Variants in MYO7A observed in about 807,000 individuals in gnomAD.
MYO7A encodes myosin VIIA, also known as unconventional myosin-VIIa.
MYO7A carries 210 observed loss-of-function variants against 263.8 expected under a neutral mutation model. The observed-to-expected ratio is 0.80, with a 90% CI of 0.71 to 0.89. The LOEUF (loss-of-function observed/expected upper bound fraction) is 0.89. Ranked by LOEUF, MYO7A falls within the 40% of genes least tolerant of loss-of-function variation. MYO7A has a pLI of 0.00. For missense variants in MYO7A, 2,820 were observed against 2,968.3 expected (o/e 0.95, Z 1.16); for synonymous variants, 1,239 against 1,197.3 (o/e 1.03, Z -0.72).
intron 18 of MYO7A, 88 bp from the exon 19 acceptor site, chr11:77,177,461 A>G (rs984438731): frequency 1.9e-6 from 2 of 1,060,996 alleles, no homozygotes; most frequent in Non-Finnish European, 2.8e-6. Flanking sequence ...CTGTGCTCCC[A>G]GTGAAGGAAG....
rs751966030 is a variant in MYO7A, at chr11:77,212,940, C to CT, written c.6355-5dup. The CT allele has an allele frequency of 7.0e-6, 11 of 1,579,774 alleles. No homozygotes were observed. The highest frequency in any genetic ancestry group is 6.9e-5 in the East Asian group (3 of 43,608). On this transcript the variant is annotated splice_polypyrimidine_tract_variant and intron_variant, in intron 46 of 48. Transcript: ENST00000409709. ...GGGCCCCCATCTGATGCCTTCTCAT[C>CT]TTTTTTTCTAGCAAACTACGGAGCC...
At chr11:77,187,512 T>G (rs1955733998) in intron 27 of MYO7A, among the ~76,000 whole-genome samples, 1 of 152,168 alleles carries the variant, frequency 6.6e-6, no homozygotes, top group Non-Finnish European at 1.5e-5. Flanking sequence ...TTAACCCCGC[T>G]GCCGCCAGCT....
At chr11:77,148,918 A>G (rs1340949843) in intron 4 of MYO7A, among the ~76,000 whole-genome samples, 2 of 152,214 alleles carry the variant, frequency 1.3e-5, no homozygotes, top group African/African-American at 4.8e-5. Context: ...CTTCACGTCC[A>G]GTCTGATGTG....
At position 77,166,230 on chromosome 11, in the gene MYO7A, C is replaced by A. The variant is rs111877134; in HGVS notation, c.1797+68C>A. 3.7e-4 allele frequency: 509 copies of A among 1,368,822 alleles called. 2 individuals carry two copies. The highest frequency in any genetic ancestry group is 1.6e-3 in the East Asian group (70 of 42,820). 84.8% of individuals were successfully genotyped at this position (1,368,822 alleles called of 1,614,324 possible). On this transcript the variant is annotated intron_variant, in intron 15 of 48. Coordinates refer to ENST00000409709, the MANE Select transcript of MYO7A (RefSeq NM_000260.4). The stretch of plus-strand genomic sequence containing the variant: ...GGGCCAGGCCTGAGTCTAAGCCCTG[C>A]CCTTGTCCAACAGCTTCAGCTGAGC...
intron 2 of MYO7A, among the ~76,000 whole-genome samples, chr11:77,132,499 G>A (rs1950796148): frequency 6.6e-6 from 1 of 152,092 alleles, no homozygotes; most frequent in African/African-American, 2.4e-5. Context: ...TTGTGTGTGT[G>A]TTTGTTTTGA....
At chr11:77,172,716 G>GC in intron 15 of MYO7A, 32 bp from the exon 16 acceptor site, 8 of 1,547,130 alleles carry the variant, frequency 5.2e-6, no homozygotes, top group South Asian at 1.2e-5. Context: ...GGCAGGCACA[G>GC]CCCCTCCCAT....
chr11:77,200,388 G>A (rs1956986459), intron 35 of MYO7A, among the ~76,000 whole-genome samples: 1 of 152,224 alleles, frequency 6.6e-6, no homozygotes, highest in African/African-American at 2.4e-5. Flanking sequence ...GCATCAGAAG[G>A]AAGGAAGAGA....
rs797044493 is a variant in MYO7A, at chr11:77,179,855, C to T, written c.2488C>T (p.Arg830Cys). 28 of 1,542,010 alleles carry T rather than the reference C, an allele frequency of 1.8e-5. No individual in the cohort carries two copies. The highest frequency in any genetic ancestry group is 2.4e-5 in the East Asian group (1 of 40,914). ...GGCCCGCTGCCGCGCCTATCTGGTG[C>T]GCAAGGCCTTCCGCCACCGCCTCTG... ...FQARCRAYLV[R>C]KAFRHRLWAV... Residue 830 changes from arginine (R) to cysteine (C), a missense_variant, in exon 21 of 49, where the codon CGC becomes TGC. By Grantham distance (180) the Arg-to-Cys change is radical. Coordinates refer to ENST00000409709, the MANE Select transcript of MYO7A (RefSeq NM_000260.4).
intron 4 of MYO7A, among the ~76,000 whole-genome samples, chr11:77,153,380 C>A (rs1952151622): frequency 1.3e-5 from 2 of 152,062 alleles, no homozygotes; most frequent in Non-Finnish European, 2.9e-5. Flanking sequence ...TCTGGATGTG[C>A]TGGTGGCATT....
chr11:77,211,030 G>A lies in MYO7A; in HGVS notation c.6052-122G>A. 3.5e-6 allele frequency: 3 copies of A among 864,810 alleles called. No homozygotes were observed. The South Asian group carries it at 5.3e-5, about 15-fold the overall frequency. 53.6% of individuals were successfully genotyped at this position (864,810 alleles called of 1,614,324 possible). A position where few individuals can be genotyped will look rare whatever the true frequency, so the allele number is the denominator to read the frequency against. On this transcript the variant is annotated intron_variant, in intron 44 of 48. Coordinates refer to ENST00000409709, the MANE Select transcript of MYO7A (RefSeq NM_000260.4). ...AGCAGTGTCAGCTGAGGCTGGAGAGGTGGGTGGGCCCATGTGCGGGGTAAG... is the reference window on the plus strand; with the variant it reads ...AGCAGTGTCAGCTGAGGCTGGAGAGATGGGTGGGCCCATGTGCGGGGTAAG...
At chr11:77,163,541 A>C (rs1555070611) in intron 14 of MYO7A, among the ~76,000 whole-genome samples, 1 of 152,206 alleles carries the variant, frequency 6.6e-6, no homozygotes, top group Non-Finnish European at 1.5e-5. Flanking sequence ...TACTGTAGGC[A>C]GTTGTGACAG....
rs778404263 is a variant in MYO7A at position 77,194,328 on chromosome 11, C to A, written c.4153-26C>A. On this transcript the variant is annotated intron_variant, in intron 31 of 48. Transcript: ENST00000409709. ...CTTCCTGGAGGGGCCTGGGCCAATG[C>A]ATGACCGAGGCCTCCCCCCACCTAG... The A allele has an allele frequency of 7.5e-6, 12 of 1,603,204 alleles. No individual in the cohort carries two copies. In the Admixed American group the frequency reaches 2.0e-4, roughly 27 times the overall value.
intron 19 of MYO7A, among the ~76,000 whole-genome samples, chr11:77,178,786 A>T (rs1392789254): frequency 6.6e-6 from 1 of 152,176 alleles, no homozygotes; most frequent in Admixed American, 6.5e-5. Context: ...TTTTTCATAC[A>T]TTTATTCATT....
chr11:77,182,708 C>T lies in MYO7A; in HGVS notation c.3285+108C>T, dbSNP rs45449591. The T allele has an allele frequency of 0.015, 18,118 of 1,218,554 alleles. 166 individuals are homozygous for T. Among genetic ancestry groups the T allele is most frequent in the Non-Finnish European group, 0.018 (15,378 of 871,878 alleles). 75.5% of individuals were successfully genotyped at this position (1,218,554 alleles called of 1,614,324 possible). ...GCAGAAAAAGGATCCTATAATTCAT[C>T]TCTGCCTCACCGACCCCTGCCTGCC... is the stretch of plus-strand genomic sequence containing the variant. On this transcript the variant is annotated intron_variant, in intron 25 of 48. Coordinates refer to ENST00000409709, the MANE Select transcript of MYO7A (RefSeq NM_000260.4).
At chr11:77,153,657 C>T (rs782225239) in intron 4 of MYO7A, among the ~76,000 whole-genome samples, 3 of 152,210 alleles carry the variant, frequency 2.0e-5, no homozygotes, top group Non-Finnish European at 2.9e-5. Context: ...AGGTCTGAAA[C>T]GGCCTCTGCC....
At chr11:77,130,495 T>G (rs1327677091) in intron 1 of MYO7A, 94 bp from the exon 2 acceptor site, 7 of 910,558 alleles carry the variant, frequency 7.7e-6, no homozygotes, top group Admixed American at 2.1e-5. Context: ...GAGGAGGAGC[T>G]GGGGCTTTGG....
intron 37 of MYO7A, 66 bp downstream of exon 37, chr11:77,202,490 G>A (rs1374301342): frequency 7.2e-6 from 11 of 1,517,714 alleles, no homozygotes; most frequent in African/African-American, 1.4e-5. Context: ...CTACTGTCTG[G>A]TCGTGTGCTG....
intron 31 of MYO7A, among the ~76,000 whole-genome samples, chr11:77,192,555 G>C (rs1956171456): frequency 6.6e-6 from 1 of 152,192 alleles, no homozygotes; most frequent in East Asian, 1.9e-4. Context: ...TGCTACAGAG[G>C]ACGTGCCGCA....
At chr11:77,208,231 C>G (rs932478123) in intron 42 of MYO7A, among the ~76,000 whole-genome samples, 199 bp from the exon 43 acceptor site, 2 of 152,180 alleles carry the variant, frequency 1.3e-5, no homozygotes, top group African/African-American at 4.8e-5. Context: ...GAATGACCAT[C>G]GCTCCCGGCA....
Sources: gnomAD v4.1 joint callset for allele counts (sites outside exome capture counted in the v4.1 genomes callset) on GRCh38, gnomAD v4.1.1 for gene constraint, MANE v1.5 for transcripts, NCBI Gene and HGNC (gene_info 2026-07-23, HGNC 2026-07-21) for gene names.